The following ANKRD31 variants were observed in gnomAD, a reference collection of about 807,000 sequenced individuals.
ANKRD31 encodes ankyrin repeat domain-containing protein 31.
ANKRD31 carries 147 observed loss-of-function variants against 186.0 expected under a neutral mutation model. That is an observed-to-expected ratio of 0.79 (90% CI 0.69 to 0.91). The LOEUF (loss-of-function observed/expected upper bound fraction) is 0.91. Among genes scored for constraint, ANKRD31 ranks in the 40% least tolerant of loss-of-function variants. The probability of loss-of-function intolerance (pLI) is 0.00; values close to 1 mark genes in which losing one functional copy is unlikely to be tolerated. For missense variants in ANKRD31, 1,986 were observed against 2,148.8 expected, an observed-to-expected ratio of 0.92 and a Z score of 1.50; for synonymous variants, 673 against 736.4, an observed-to-expected ratio of 0.91 and a Z score of 1.39.
chr5:75,184,339 C>CT (rs1345929930), intron 10 of ANKRD31, among the ~76,000 whole-genome samples: 1 of 151,900 alleles, frequency 6.6e-6, no homozygotes, highest in African/African-American at 2.4e-5. Context: ...CTAGGCAATA[C>CT]TTTTTTAGAT....
intron 11 of ANKRD31, among the ~76,000 whole-genome samples, chr5:75,157,824 G>A (rs1190495301): frequency 6.6e-6 from 1 of 152,174 alleles, no homozygotes; most frequent in Non-Finnish European, 1.5e-5. Flanking sequence ...GACTGAAAGA[G>A]AGAGAATGAA....
intron 17 of ANKRD31, among the ~76,000 whole-genome samples, chr5:75,128,117 C>G (rs1182749063): frequency 6.6e-6 from 1 of 151,940 alleles, no homozygotes; most frequent in Non-Finnish European, 1.5e-5. Flanking sequence ...ATTTTTCTTC[C>G]ATTACTGAAC....
At chr5:75,225,161 T>C (rs2150313254) in intron 2 of ANKRD31, among the ~76,000 whole-genome samples, 1 of 152,310 alleles carries the variant, frequency 6.6e-6, no homozygotes, top group South Asian at 2.1e-4. Context: ...CACAAAGTTT[T>C]AGATAGTTAT....
intron 22 of ANKRD31, among the ~76,000 whole-genome samples, chr5:75,100,207 T>C (rs1291510324): frequency 6.6e-6 from 1 of 152,220 alleles, no homozygotes; most frequent in African/African-American, 2.4e-5. Flanking sequence ...GAGCAGGTTG[T>C]TCAGTTTCCA....
chr5:75,118,303 A>G lies in ANKRD31; in HGVS notation c.3877-6T>C. Reference sequence around the variant, plus strand: ...TGTAGTAGAATCTCAGCTGCCTACAAAGTATTTTTTCAAAGTTATCTCTAC... The same window carrying G: ...TGTAGTAGAATCTCAGCTGCCTACAGAGTATTTTTTCAAAGTTATCTCTAC... On this transcript the variant is annotated splice_region_variant and splice_polypyrimidine_tract_variant and intron_variant, in intron 17 of 25. Transcript: ENST00000506364. 6.8e-7 allele frequency: 1 copy of G among 1,468,228 alleles called. No individual in the cohort carries two copies. Among genetic ancestry groups the G allele is most frequent in the Non-Finnish European group, 8.9e-7 (1 of 1,121,224 alleles). The allele number at this position is 1,468,228 out of a possible 1,614,324, so 91.0% of individuals were successfully genotyped here.
At chr5:75,207,199 G>C (rs1160560686) in intron 4 of ANKRD31, among the ~76,000 whole-genome samples, 1 of 152,124 alleles carries the variant, frequency 6.6e-6, no homozygotes, top group African/African-American at 2.4e-5. Flanking sequence ...GGAGTCCTAT[G>C]CAAGAGTAAT....
At chr5:75,182,716 A>G (rs571020093) in intron 10 of ANKRD31, among the ~76,000 whole-genome samples, 72 of 151,530 alleles carry the variant, frequency 4.8e-4, no homozygotes, top group African/African-American at 1.7e-3. Flanking sequence ...TGAGAGTCCA[A>G]CTTAAAAAAA....
chr5:75,226,320 G>A (rs976607199), intron 2 of ANKRD31, among the ~76,000 whole-genome samples: 26 of 152,174 alleles, frequency 1.7e-4, no homozygotes, highest in African/African-American at 6.0e-4. Context: ...GTGGTAGCCA[G>A]GTAATGGCTA....
intron 5 of ANKRD31, 58 bp downstream of exon 5, chr5:75,206,353 T>A: frequency 2.2e-6 from 2 of 918,272 alleles, no homozygotes; most frequent in Non-Finnish European, 2.8e-6. Context: ...TCTAACTAAG[T>A]CTTCTATTTT....
intron 17 of ANKRD31, among the ~76,000 whole-genome samples, chr5:75,121,333 A>G (rs2150089416): frequency 6.6e-6 from 1 of 152,324 alleles, no homozygotes; most frequent in Middle Eastern, 3.4e-3. Flanking sequence ...ACCTAAAGAA[A>G]GATACAGATA....
chr5:75,173,482 C>G (rs1422713103), intron 10 of ANKRD31, among the ~76,000 whole-genome samples: 1 of 152,126 alleles, frequency 6.6e-6, no homozygotes, highest in East Asian at 1.9e-4. Flanking sequence ...TTTAGAAAAC[C>G]CCATGGTCTC....
chr5:75,188,497 A>G lies in ANKRD31; in HGVS notation c.1560T>C (p.Tyr520=). ...TGGGTGGTAATCCTAACTTACCAGC[A>G]TAACTTGGCTGATTAACATTTCCAC... ...KKGGNVNQPS[Y]AGWTALHEAS... is the part of the protein sequence containing the mutation. The change falls in exon 10 of 26, where the codon TAT becomes TAC. Residue 520 remains tyrosine, a synonymous_variant. Transcript: ENST00000506364. 1.3e-6 allele frequency: 2 copies of G among 1,534,584 alleles called. No individual in the cohort carries two copies. Among genetic ancestry groups the G allele is most frequent in the South Asian group, 2.4e-5 (2 of 83,264 alleles).
At chr5:75,130,313 A>C (rs1323623254) in intron 17 of ANKRD31, among the ~76,000 whole-genome samples, 1 of 152,208 alleles carries the variant, frequency 6.6e-6, no homozygotes, top group Admixed American at 6.5e-5. Context: ...AGCAGCAGCA[A>C]AATTTATTGC....
intron 15 of ANKRD31, among the ~76,000 whole-genome samples, chr5:75,140,286 AAAGGAAGGAAGGAAGGAAGGAAGGAAGG>A (rs55831869): frequency 4.0e-3 from 564 of 140,958 alleles, no homozygotes; most frequent in African/African-American, 0.014. Flanking sequence ...AGAGAGAAAG[AAAGGAAGGAAGGAAGGAAGGAAGGAAGG>A]AAGGAAGGAA....
At chr5:75,113,127 T>C (rs1212801985) in intron 19 of ANKRD31, among the ~76,000 whole-genome samples, 1 of 152,116 alleles carries the variant, frequency 6.6e-6, no homozygotes, top group Non-Finnish European at 1.5e-5. Flanking sequence ...GCCCTGATCC[T>C]TCTCTTTCCC....
In ANKRD31 at chr5:75,218,377, C is replaced by T. The variant is rs556635397; in HGVS notation, c.288+3872G>A. On this transcript the variant is annotated intron_variant, in intron 3 of 25. Coordinates refer to ENST00000506364, the MANE Select transcript of ANKRD31 (RefSeq NM_001372053.1). ...GGATAAATTCCTGGACGTATACATC[C>T]TTCCAAAACTGAATCAGGAAGAAAT... 2.0e-5 allele frequency among the ~76,000 whole-genome samples: 3 copies of T among 152,200 alleles called. No homozygotes were observed. The South Asian group carries it at 6.2e-4, about 32-fold the overall frequency.
chr5:75,091,546 T>C, intron 22 of ANKRD31, 145 bp from the exon 23 acceptor site: 2 of 761,758 alleles, frequency 2.6e-6, no homozygotes, highest in South Asian at 2.3e-5. Context: ...TATCTAGAAA[T>C]GGTCATAAGG....
At chr5:75,101,436 G>C (rs142317567) in intron 22 of ANKRD31, among the ~76,000 whole-genome samples, 2,242 of 152,098 alleles carry the variant, frequency 0.015, 64 homozygotes, top group African/African-American at 0.051. Flanking sequence ...TATCTTTATG[G>C]TGTTCTCTGT....
At chr5:75,224,707 A>G (rs898305792) in intron 2 of ANKRD31, among the ~76,000 whole-genome samples, 2 of 152,162 alleles carry the variant, frequency 1.3e-5, no homozygotes, top group African/African-American at 4.8e-5. Flanking sequence ...TTAAAAATGT[A>G]TCTTTATGGT....
Sources: allele counts gnomAD v4.1 joint callset (sites outside exome capture counted in the v4.1 genomes callset), GRCh38; gene constraint gnomAD v4.1.1; transcripts MANE v1.5; gene names NCBI Gene and HGNC (gene_info 2026-07-23, HGNC 2026-07-21).